The following WWOX variants were observed in gnomAD, a reference collection of about 807,000 sequenced individuals.
The protein encoded by WWOX is WW domain-containing oxidoreductase.
WWOX carries 69 observed loss-of-function variants against 46.2 expected under a neutral mutation model. That is an observed-to-expected ratio of 1.49 (90% CI 1.23 to 1.82). WWOX has a LOEUF of 1.82. Ranked by LOEUF, WWOX falls within the 40% of genes most tolerant of loss-of-function variation. The pLI is 0.00. For missense variants in WWOX, 919 were observed against 542.6 expected (o/e 1.69, Z -6.89); for synonymous variants, 359 against 202.6 (o/e 1.77, Z -6.56).
At chr16:78,899,899 CTG>C (rs1040582516) in intron 8 of WWOX, among the ~76,000 whole-genome samples, 70 of 152,248 alleles carry the variant, frequency 4.6e-4, no homozygotes, top group African/African-American at 1.6e-3. Context: ...TTGTTCCTCT[CTG>C]TCAGGACATA....
intron 8 of WWOX, among the ~76,000 whole-genome samples, chr16:79,192,544 C>G (rs1456634046): frequency 6.6e-6 from 1 of 152,160 alleles, no homozygotes; most frequent in Non-Finnish European, 1.5e-5. Context: ...CTGGTAAGGT[C>G]TCTATTGGTC....
intron 8 of WWOX, among the ~76,000 whole-genome samples, chr16:78,957,445 C>T (rs1053148969): frequency 2.0e-4 from 30 of 152,186 alleles, no homozygotes; most frequent in Admixed American, 1.5e-3. Context: ...TGTCAACAGC[C>T]AGTGGCTCAT....
Position 78,340,699 on chromosome 16 carries a change from T to A in WWOX, c.517-46161T>A, listed in dbSNP as rs1308886805. ...TGTTTGAATGTTTGCATGTGTCCTG[T>A]TGGCAGAACAAATATCCCACAGAAG... On this transcript the variant is annotated intron_variant, in intron 5 of 8. Transcript: ENST00000566780. 1.7e-5 allele frequency among the ~76,000 whole-genome samples: 2 copies of A among 119,576 alleles called. 1 individual carries two copies. The highest frequency in any genetic ancestry group is 4.0e-5 in the Non-Finnish European group (2 of 50,330). 78.4% of individuals were successfully genotyped at this position (119,576 alleles called of 152,430 possible).
intron 8 of WWOX, among the ~76,000 whole-genome samples, chr16:78,984,990 A>G (rs561291729): frequency 1.4e-4 from 22 of 152,256 alleles, no homozygotes; most frequent in Admixed American, 1.2e-3. Flanking sequence ...AAAAGGAAAA[A>G]AAAAATATTG....
At chr16:79,169,814 C>G (rs1476089357) in intron 8 of WWOX, among the ~76,000 whole-genome samples, 1 of 152,132 alleles carries the variant, frequency 6.6e-6, no homozygotes, top group East Asian at 1.9e-4. Flanking sequence ...TTTTTCCTGA[C>G]TCTAAATAGT....
chr16:79,106,782 A>G (rs1411965766), intron 8 of WWOX: 5 of 143,550 alleles, frequency 3.5e-5, no homozygotes, highest in African/African-American at 1.3e-4. Flanking sequence ...CCATACCCAG[A>G]TAATTTTTTT....
chr16:78,836,427 C>T (rs1054021618), intron 8 of WWOX, among the ~76,000 whole-genome samples: 2 of 152,134 alleles, frequency 1.3e-5, no homozygotes, highest in East Asian at 1.9e-4. Flanking sequence ...AACTTATTCC[C>T]GCAAGGACAT....
chr16:79,106,507 G>C (rs1439169304), intron 8 of WWOX: 1 of 150,800 alleles, frequency 6.6e-6, no homozygotes, highest in African/African-American at 2.4e-5. Context: ...TGGAGTATGA[G>C]TGCGTATTTG....
intron 6 of WWOX, among the ~76,000 whole-genome samples, chr16:78,396,671 A>G (rs556053058): frequency 7.2e-5 from 11 of 152,358 alleles, no homozygotes; most frequent in East Asian, 1.9e-4. Flanking sequence ...TATGTAAAGC[A>G]CTAGACTAGA....
chr16:78,736,649 G>A lies in WWOX; in HGVS notation c.1056+303897G>A, dbSNP rs144797917. Among the ~76,000 whole-genome samples the A allele has an allele frequency of 5.5e-4, 84 of 152,198 alleles. 1 individual carries two copies. In the East Asian group the frequency reaches 7.0e-3, roughly 13 times the overall value. ...ATCTGTCTCTTTCCCCCAGGCTACA[G>A]TGCAGTTGCGTGATATTAGCTCACT... On this transcript the variant is annotated intron_variant, in intron 8 of 8. Coordinates refer to ENST00000566780, the MANE Select transcript of WWOX (RefSeq NM_016373.4).
chr16:78,319,477 G>T (rs1025669203), intron 5 of WWOX, among the ~76,000 whole-genome samples: 1 of 151,914 alleles, frequency 6.6e-6, no homozygotes, highest in African/African-American at 2.4e-5. Context: ...GCCCAGGCTG[G>T]TCTCAAACCC....
Position 78,170,979 on chromosome 16 carries a change from C to T in WWOX, c.516+6690C>T, listed in dbSNP as rs534131204. 1.5e-4 allele frequency among the ~76,000 whole-genome samples: 23 copies of T among 152,242 alleles called. 1 individual carries two copies. Among genetic ancestry groups the T allele is most frequent in the African/African-American group, 2.4e-4 (10 of 41,546 alleles). ...TTCAGGTTTTCAATAGAGTTGATAT[C>T]GGGTCTATTTATTTTGTGGGAGTGA... On this transcript the variant is annotated intron_variant, in intron 5 of 8. Coordinates refer to ENST00000566780, the MANE Select transcript of WWOX (RefSeq NM_016373.4).
At chr16:78,850,562 G>C (rs906276618) in intron 8 of WWOX, among the ~76,000 whole-genome samples, 3 of 152,182 alleles carry the variant, frequency 2.0e-5, no homozygotes, top group African/African-American at 7.2e-5. Flanking sequence ...ATGCTGTTTA[G>C]TCCCCTCTCC....
chr16:79,049,603 C>G (rs1257060971), intron 8 of WWOX, among the ~76,000 whole-genome samples: 1 of 151,990 alleles, frequency 6.6e-6, no homozygotes, highest in Non-Finnish European at 1.5e-5. Context: ...TTTGGGAGGC[C>G]GAGGTGGGTG....
At chr16:78,458,733 T>TATAC (rs1205766523) in intron 8 of WWOX, among the ~76,000 whole-genome samples, 2 of 152,214 alleles carry the variant, frequency 1.3e-5, no homozygotes, top group Non-Finnish European at 2.9e-5. Flanking sequence ...TCTATATGTG[T>TATAC]ATACATACAT....
At chr16:78,398,931 G>C (rs1263703334) in intron 6 of WWOX, among the ~76,000 whole-genome samples, 1 of 152,210 alleles carries the variant, frequency 6.6e-6, no homozygotes, top group Non-Finnish European at 1.5e-5. Flanking sequence ...CTGCCTTCTA[G>C]TACAAGGAAG....
At chr16:78,450,803 C>G (rs781165209) in intron 8 of WWOX, among the ~76,000 whole-genome samples, 1 of 152,028 alleles carries the variant, frequency 6.6e-6, no homozygotes, top group Non-Finnish European at 1.5e-5. Flanking sequence ...TGAATATTAA[C>G]CCAGAGCAGA....
intron 8 of WWOX, among the ~76,000 whole-genome samples, chr16:78,776,544 C>T (rs1293854808): frequency 6.6e-6 from 1 of 152,130 alleles, no homozygotes; most frequent in East Asian, 1.9e-4. Context: ...TTAGCAGCAG[C>T]AGTGTGTGCC....
chr16:78,617,404 A>G (rs1020834330), intron 8 of WWOX, among the ~76,000 whole-genome samples: 1 of 13,602 alleles, frequency 7.4e-5, no homozygotes, highest in African/African-American at 1.7e-4. Flanking sequence ...CTTGTATCCA[A>G]AAAAAAAAAA....
Sources: allele counts gnomAD v4.1 joint callset (sites outside exome capture counted in the v4.1 genomes callset), GRCh38; gene constraint gnomAD v4.1.1; transcripts MANE v1.5; gene names NCBI Gene and HGNC (gene_info 2026-07-23, HGNC 2026-07-21).